GRM4: variants seen among roughly 807,000 people sequenced by gnomAD.
GRM4 encodes metabotropic glutamate receptor 4.
A neutral mutation model predicts 81.7 loss-of-function variants in GRM4; 28 were observed. That is an observed-to-expected ratio of 0.34 (90% CI 0.25 to 0.47). The LOEUF (loss-of-function observed/expected upper bound fraction) is 0.47. Among genes scored for constraint, GRM4 ranks in the 20% least tolerant of loss-of-function variants. The probability of loss-of-function intolerance (pLI) is 1.00; values close to 1 mark genes in which losing one functional copy is unlikely to be tolerated. For synonymous variants in GRM4, 488 were observed against 528.8 expected (o/e 0.92, Z 1.06); for missense variants, 948 against 1,290.0 (o/e 0.73, Z 4.06).
rs1260090303 is a variant in GRM4, at chr6:34,068,515, T to C, written c.737-6487A>G. The stretch of plus-strand genomic sequence containing the variant: ...CCTTGCAGCACTTCCCCATCCTCCC[T>C]GGCATGGCTCTCCCCACCCCACCTG... On this transcript the variant is annotated intron_variant, in intron 3 of 10. Coordinates refer to ENST00000538487, the MANE Select transcript of GRM4 (RefSeq NM_000841.4). The surrounding 1 kb of genome is among the most constrained non-coding windows in gnomAD (Gnocchi z 4.2). Among the ~76,000 whole-genome samples the C allele has an allele frequency of 6.6e-6, 1 of 151,998 alleles. No individual in the cohort carries two copies. Among genetic ancestry groups the C allele is most frequent in the Non-Finnish European group, 1.5e-5 (1 of 67,980 alleles).
chr6:34,072,860 A>G (rs1767029978), intron 3 of GRM4, among the ~76,000 whole-genome samples: 1 of 145,674 alleles, frequency 6.9e-6, no homozygotes, highest in African/African-American at 2.6e-5. Context: ...ACACACAATC[A>G]CCACACAGAT....
chr6:34,127,067 C>T (rs779828401), intron 2 of GRM4, among the ~76,000 whole-genome samples: 5 of 152,164 alleles, frequency 3.3e-5, no homozygotes, highest in African/African-American at 4.8e-5. Context: ...AACATAAAGG[C>T]CTTTTTTAGC....
At chr6:34,053,993 G>C (rs1765739197) in intron 6 of GRM4, among the ~76,000 whole-genome samples, 1 of 152,084 alleles carries the variant, frequency 6.6e-6, no homozygotes, top group Non-Finnish European at 1.5e-5. Flanking sequence ...CGCACCTCCA[G>C]GCTTTACAGC....
Position 34,121,930 on chromosome 6 carries a change from G to A in GRM4, c.519+11048C>T, listed in dbSNP as rs71567427. Among the ~76,000 whole-genome samples, 1,171 of 152,056 alleles carry A rather than the reference G, an allele frequency of 7.7e-3. 8 individuals carry two copies. The highest frequency in any genetic ancestry group is 0.027 in the Middle Eastern group (8 of 294). On this transcript the variant is annotated intron_variant, in intron 2 of 10. Transcript: ENST00000538487. This position sits in a 1 kb window ranked among gnomAD's most constrained non-coding sequence, Gnocchi z 4.6. ...AGGGCCCTGAGCAGTGCCAAGACTT[G>A]TGGTGGGATTGAGGGGCACCCTGAG...
chr6:34,122,209 T>C (rs1769838888), intron 2 of GRM4, among the ~76,000 whole-genome samples: 1 of 151,942 alleles, frequency 6.6e-6, no homozygotes, highest in Non-Finnish European at 1.5e-5. Flanking sequence ...ACTCTCTCTC[T>C]GTGCTTGGGT....
chr6:34,133,715 G>T lies in GRM4; in HGVS notation c.-219C>A. 7.7e-7 allele frequency: 1 copy of T among 1,302,598 alleles called. No individual in the cohort carries two copies. Among genetic ancestry groups the T allele is most frequent in the Non-Finnish European group, 9.7e-7 (1 of 1,030,490 alleles). 80.7% of individuals were successfully genotyped at this position (1,302,598 alleles called of 1,614,324 possible). A position where few individuals can be genotyped will look rare whatever the true frequency, so the allele number is the denominator to read the frequency against. On this transcript the variant is annotated 5_prime_UTR_variant, in exon 2 of 11. Transcript: ENST00000538487. This position sits in a 1 kb window ranked among gnomAD's most constrained non-coding sequence, Gnocchi z 6.5. ...TCCAGGCCCACAGACAGCAGGCAGTGGCCGGGGTTGCAGGAAGGCTCTGAT... is the reference window on the plus strand; with the variant it reads ...TCCAGGCCCACAGACAGCAGGCAGTTGCCGGGGTTGCAGGAAGGCTCTGAT...
At chr6:34,095,877 C>A (rs775043487) in intron 2 of GRM4, among the ~76,000 whole-genome samples, 1 of 152,196 alleles carries the variant, frequency 6.6e-6, no homozygotes, top group Admixed American at 6.5e-5. Context: ...CAGGGAGCCA[C>A]GTCTGCGTCT....
At chr6:34,051,609 A>G (rs189666444) in intron 6 of GRM4, among the ~76,000 whole-genome samples, 19 of 152,066 alleles carry the variant, frequency 1.2e-4, no homozygotes, top group Admixed American at 1.0e-3. Flanking sequence ...TTAATTCCCA[A>G]ACCCTGTTCT....
chr6:34,081,509 T>A (rs1269889019), intron 3 of GRM4, among the ~76,000 whole-genome samples: 1 of 152,200 alleles, frequency 6.6e-6, no homozygotes, highest in Non-Finnish European at 1.5e-5. Flanking sequence ...GGCAGAAATG[T>A]CCGCATGCAC....
rs753331130 is a variant in GRM4 at position 34,036,115 on chromosome 6, G to A, written c.1995C>T (p.Ile665=). The A allele has an allele frequency of 1.9e-6, 3 of 1,614,226 alleles. No homozygotes were observed. The highest frequency in any genetic ancestry group is 2.5e-6 in the Non-Finnish European group (3 of 1,180,038). Residue 665 remains isoleucine, a synonymous_variant, in exon 9 of 11, where the codon ATC becomes ATT. Transcript: ENST00000538487. This position sits in a 1 kb window ranked among gnomAD's most constrained non-coding sequence, Gnocchi z 9.0. Reference sequence around the variant, plus strand: ...TCTTGGTGAGCAGGGCTGCATAGCTGATGCTCATCCCTAGTCCCAGGAAGA... The same window carrying A: ...TCTTGGTGAGCAGGGCTGCATAGCTAATGCTCATCCCTAGTCCCAGGAAGA... The part of the protein sequence containing the change: ...RRIFLGLGMS[I]SYAALLTKTN...
chr6:34,144,583 G>A (rs1423500709), intron 1 of GRM4, among the ~76,000 whole-genome samples: 1 of 152,166 alleles, frequency 6.6e-6, no homozygotes, highest in Non-Finnish European at 1.5e-5. Flanking sequence ...GCTGGCGAAG[G>A]CGGCGCTGGG....
At chr6:34,154,405 C>T (rs1271033155) in intron 1 of GRM4, among the ~76,000 whole-genome samples, 1 of 152,192 alleles carries the variant, frequency 6.6e-6, no homozygotes. Flanking sequence ...TTAAGCAGCA[C>T]CCCTAGTCCA....
Position 34,059,462 on chromosome 6 carries a change from C to T in GRM4, c.873-334G>A. ...CACCCGCCCCACGTCTGACTCAGGC[C>T]CCACAACCACCTCTGCCCAGCCCCG... On this transcript the variant is annotated intron_variant, in intron 4 of 10. Transcript: ENST00000538487. This position sits in a 1 kb window ranked among gnomAD's most constrained non-coding sequence, Gnocchi z 5.7. 3 of 363,066 alleles carry T rather than the reference C, an allele frequency of 8.3e-6. No homozygotes were observed. The highest frequency in any genetic ancestry group is 1.0e-5 in the Non-Finnish European group (2 of 192,600). The allele number at this position is 363,066 out of a possible 1,614,324, so 22.5% of individuals were successfully genotyped here.
intron 2 of GRM4, among the ~76,000 whole-genome samples, chr6:34,093,978 G>A (rs1478756099): frequency 6.6e-6 from 1 of 152,246 alleles, no homozygotes; most frequent in African/African-American, 2.4e-5. Flanking sequence ...GTTTGTAACA[G>A]TAAAAGTTTG....
At chr6:34,043,381 G>A (rs1007361622) in intron 6 of GRM4, among the ~76,000 whole-genome samples, 4 of 152,114 alleles carry the variant, frequency 2.6e-5, no homozygotes, top group Non-Finnish European at 4.4e-5. Context: ...GGACAGTGTC[G>A]CCTGGAAAGA....
At chr6:34,079,868 A>G (rs1762263842) in intron 3 of GRM4, among the ~76,000 whole-genome samples, 1 of 152,086 alleles carries the variant, frequency 6.6e-6, no homozygotes, top group African/African-American at 2.4e-5. Flanking sequence ...CCTGGACTAC[A>G]GTGGCCTCCA....
At chr6:34,137,349 C>T (rs1221498611) in intron 1 of GRM4, among the ~76,000 whole-genome samples, 1 of 152,244 alleles carries the variant, frequency 6.6e-6, no homozygotes, top group Admixed American at 6.5e-5. Context: ...GACTGGGTCA[C>T]CTCCACATAG....
At chr6:34,071,700 G>A (rs111209640) in intron 3 of GRM4, among the ~76,000 whole-genome samples, 1 of 106,688 alleles carries the variant, frequency 9.4e-6, no homozygotes, top group African/African-American at 5.1e-5. Flanking sequence ...ACACCACACA[G>A]ATACACACCA....
exon 1 of GRM4, chr6:34,155,418 C>T: frequency 2.1e-6 from 3 of 1,426,982 alleles, no homozygotes; most frequent in African/African-American, 2.9e-5. Context: ...CTCCTGAGCT[C>T]CCTCTGTGTG....
Sources: gnomAD v4.1 joint callset for allele counts (sites outside exome capture counted in the v4.1 genomes callset) on GRCh38, gnomAD v4.1.1 for gene constraint, Gnocchi (gnomAD v3.1) non-coding constraint, MANE v1.5 for transcripts, NCBI Gene and HGNC (gene_info 2026-07-23, HGNC 2026-07-21) for gene names.